Variants in LHX6 observed in about 807,000 individuals in gnomAD.
The protein encoded by LHX6 is LIM homeobox 6, also known as LIM/homeobox protein Lhx6.
A neutral mutation model predicts 47.1 loss-of-function variants in LHX6; 15 were observed. The ratio of observed to expected loss-of-function variants is 0.32; its 90% CI spans 0.21 to 0.49. LHX6 has a LOEUF of 0.49. LHX6 is among the 20% of genes least tolerant of loss of function. The pLI is 0.99. For missense variants in LHX6, 404 were observed against 539.6 expected (o/e 0.75, Z 2.49); for synonymous variants, 242 against 233.5 (o/e 1.04, Z -0.33).
Position 122,213,969 on chromosome 9 carries a change from C to CGG in LHX6, c.879+4_879+5insCC. 1.5e-6 allele frequency: 2 copies of CGG among 1,309,946 alleles called. No homozygotes were observed. Among genetic ancestry groups the CGG allele is most frequent in the Non-Finnish European group, 2.2e-6 (2 of 915,330 alleles). 81.1% of individuals were successfully genotyped at this position (1,309,946 alleles called of 1,614,324 possible). On this transcript the variant is annotated splice_donor_region_variant and intron_variant, in intron 7 of 9. Transcript: ENST00000394319. The surrounding 1 kb of genome is among the most constrained non-coding windows in gnomAD (Gnocchi z 5.5). Reference sequence around the variant, plus strand: ...GTCCCCAGGCCCCGCCCACCCCCGTCCCACCTGGATGACTCTCCGGCTGAG... The same window carrying CGG: ...GTCCCCAGGCCCCGCCCACCCCCGTCGGCCACCTGGATGACTCTCCGGCTGAG...
At chr9:122,206,444 G>C (rs1179441013) in intron 9 of LHX6, among the ~76,000 whole-genome samples, 1 of 152,174 alleles carries the variant, frequency 6.6e-6, no homozygotes, top group Admixed American at 6.5e-5. Flanking sequence ...GACAAGAAAA[G>C]TCCCTAGGAG....
intron 8 of LHX6, among the ~76,000 whole-genome samples, chr9:122,210,808 C>T (rs1201309223): frequency 1.3e-5 from 2 of 152,140 alleles, no homozygotes; most frequent in African/African-American, 4.8e-5. Context: ...AGTGATCTGC[C>T]CACCTCGGCC....
Position 122,228,727 on chromosome 9 carries a change from T to C in LHX6, c.14A>G (p.His5Arg). Residue 5 changes from histidine to arginine, a missense_variant, in exon 1 of 10, where the codon CAT becomes CGT. Coordinates refer to ENST00000394319, the MANE Select transcript of LHX6 (RefSeq NM_014368.5). MYWK[H>R]ENAAPALPEG... The stretch of plus-strand genomic sequence containing the variant: ...GGGCAACGCCGGGGCGGCGTTCTCA[T>C]GCTTCCAGTACATGGGCCGGGGAAC... 1.5e-6 allele frequency: 2 copies of C among 1,292,890 alleles called. No individual in the cohort carries two copies. The highest frequency in any genetic ancestry group is 2.0e-6 in the Non-Finnish European group (2 of 1,018,876). The allele number at this position is 1,292,890 out of a possible 1,614,324, so 80.1% of individuals were successfully genotyped here. A position where few individuals can be genotyped will look rare whatever the true frequency, so the allele number is the denominator to read the frequency against.
At chr9:122,228,314 G>A in intron 1 of LHX6, 1 of 1,534,632 alleles carries the variant, frequency 6.5e-7, no homozygotes, top group South Asian at 1.2e-5. Context: ...TACCGGCCCC[G>A]CGTCGGGATT....
At chr9:122,209,801 C>G in intron 8 of LHX6, 84 bp from the exon 9 acceptor site, 3 of 638,844 alleles carry the variant, frequency 4.7e-6, no homozygotes, top group Non-Finnish European at 8.5e-6. Context: ...CAGACTGGAG[C>G]CCTGAAACCA....
intron 1 of LHX6, 155 bp from the exon 2 acceptor site, chr9:122,227,635 G>A: frequency 7.4e-7 from 1 of 1,344,472 alleles, no homozygotes; most frequent in Non-Finnish European, 9.5e-7. Context: ...CCCCACAAAA[G>A]CGGTGTCTCT....
chr9:122,213,844 C>G lies in LHX6; in HGVS notation c.880-64G>C. 1.3e-6 allele frequency: 2 copies of G among 1,533,686 alleles called. No homozygotes were observed. Among genetic ancestry groups the G allele is most frequent in the Middle Eastern group, 1.7e-4 (1 of 5,960 alleles). ...AGAGTCGGACGCGCCGCCGGGAGACCCCAGGCGGGACTGCCTCGTCGCCTC... is the reference window on the plus strand; with the variant it reads ...AGAGTCGGACGCGCCGCCGGGAGACGCCAGGCGGGACTGCCTCGTCGCCTC... On this transcript the variant is annotated intron_variant, in intron 7 of 9. Coordinates refer to ENST00000394319, the MANE Select transcript of LHX6 (RefSeq NM_014368.5). This position sits in a 1 kb window ranked among gnomAD's most constrained non-coding sequence, Gnocchi z 5.5.
At chr9:122,220,976 C>T (rs977720030) in intron 4 of LHX6, 6 of 513,464 alleles carry the variant, frequency 1.2e-5, no homozygotes, top group Non-Finnish European at 1.5e-5. Context: ...TCGACCCCTT[C>T]TCCCACTATT....
intron 4 of LHX6, chr9:122,221,765 C>A: frequency 1.0e-6 from 1 of 981,438 alleles, no homozygotes; most frequent in Non-Finnish European, 1.2e-6. Flanking sequence ...GCGTGCCAAC[C>A]AAACTGGGCA....
chr9:122,211,123 C>G (rs1364093981), intron 8 of LHX6, among the ~76,000 whole-genome samples: 1 of 152,192 alleles, frequency 6.6e-6, no homozygotes, highest in Non-Finnish European at 1.5e-5. Flanking sequence ...ATGCTTCAGC[C>G]TGTTTATCAC....
At chr9:122,207,209 G>C (rs1286701821) in intron 9 of LHX6, among the ~76,000 whole-genome samples, 1 of 152,178 alleles carries the variant, frequency 6.6e-6, no homozygotes. Context: ...TGTGATTCTG[G>C]ATGAGCACTG....
rs1830327418 is a variant in LHX6 at position 122,209,699 on chromosome 9, T to C, written c.1073A>G (p.Gln358Arg). 1.1e-6 allele frequency: 1 copy of C among 921,952 alleles called. No individual in the cohort carries two copies. The highest frequency in any genetic ancestry group is 1.6e-5 in the African/African-American group (1 of 61,702). 57.1% of individuals were successfully genotyped at this position (921,952 alleles called of 1,614,324 possible). The change falls in exon 9 of 10, where the codon CAG becomes CGG. Residue 358 changes from glutamine to arginine, a missense_variant. Gln to Arg is a conservative substitution (Grantham distance 43, BLOSUM62 1). Coordinates refer to ENST00000394319, the MANE Select transcript of LHX6 (RefSeq NM_014368.5). ...GGTGTAAGGCAGCCGGCAGTGCACC[T>C]GCCCGCACTGTACCTGACCTGTGGA... ...GYIESQVQCG[Q>R]VHCRLPYTAP...
chr9:122,226,146 G>A lies in LHX6; in HGVS notation c.461+230C>T, dbSNP rs965158616. Among the ~76,000 whole-genome samples, 4 of 152,204 alleles carry A rather than the reference G, an allele frequency of 2.6e-5. No homozygotes were observed. The highest frequency in any genetic ancestry group is 4.4e-5 in the Non-Finnish European group (3 of 68,036). ...AGACGATACCGAAACCCAATGGACC[G>A]CGAGGACCGAAGGCAGATCCGGGGC... On this transcript the variant is annotated intron_variant, in intron 4 of 9. Transcript: ENST00000394319. The surrounding 1 kb of genome is among the most constrained non-coding windows in gnomAD (Gnocchi z 6.5).
At chr9:122,209,791 C>T (rs978722429) in intron 8 of LHX6, 74 bp from the exon 9 acceptor site, 6 of 660,650 alleles carry the variant, frequency 9.1e-6, no homozygotes, top group Non-Finnish European at 1.7e-5. Flanking sequence ...GTGCTCTCTA[C>T]AGACTGGAGC....
Position 122,213,664 on chromosome 9 carries a change from G to A in LHX6, c.996C>T (p.Tyr332=), listed in dbSNP as rs2118850765. 2 of 1,612,280 alleles carry A rather than the reference G, an allele frequency of 1.2e-6. No individual in the cohort carries two copies. The highest frequency in any genetic ancestry group is 2.2e-5 in the East Asian group (1 of 44,862). ...CCCGCTCGGGGCTGCTGAACGGGGT[G>A]TAGTGGATGTCGTCGGACAGGGCGG... ...LPSALSDDIH[Y]TPFSSPERAR... Residue 332 remains tyrosine, a synonymous_variant, in exon 8 of 10, where the codon TAC becomes TAT. Coordinates refer to ENST00000394319, the MANE Select transcript of LHX6 (RefSeq NM_014368.5). This position sits in a 1 kb window ranked among gnomAD's most constrained non-coding sequence, Gnocchi z 5.5.
chr9:122,213,886 A>G lies in LHX6; in HGVS notation c.879+88T>C, dbSNP rs769223340. ...CGTCGCCTCCTGGAGAAGGATGGCC[A>G]CGTGCACGCACCACCCTCCGCGCCG... On this transcript the variant is annotated intron_variant, in intron 7 of 9. Transcript: ENST00000394319. This position sits in a 1 kb window ranked among gnomAD's most constrained non-coding sequence, Gnocchi z 5.5. The G allele has an allele frequency of 7.9e-6, 12 of 1,511,420 alleles. No homozygotes were observed. In the African/African-American group the frequency reaches 1.4e-4, roughly 17 times the overall value. The allele number at this position is 1,511,420 out of a possible 1,614,324, so 93.6% of individuals were successfully genotyped here. A position where few individuals can be genotyped will look rare whatever the true frequency, so the allele number is the denominator to read the frequency against.
chr9:122,212,513 G>A (rs1830434486), intron 8 of LHX6, among the ~76,000 whole-genome samples: 1 of 152,180 alleles, frequency 6.6e-6, no homozygotes, highest in Admixed American at 6.5e-5. Flanking sequence ...GTGCATCGCA[G>A]TCATTTACAT....
intron 4 of LHX6, chr9:122,221,164 C>A: frequency 1.1e-5 from 11 of 985,372 alleles, no homozygotes; most frequent in Non-Finnish European, 1.3e-5. Flanking sequence ...GAGGTGGGGC[C>A]CTACCTATTC....
intron 4 of LHX6, among the ~76,000 whole-genome samples, chr9:122,220,190 C>G (rs1161787047): frequency 6.6e-6 from 1 of 152,238 alleles, no homozygotes; most frequent in Non-Finnish European, 1.5e-5. Flanking sequence ...TGTCCTCATA[C>G]CCTTGGTCCG....
Sources: allele counts gnomAD v4.1 joint callset (sites outside exome capture counted in the v4.1 genomes callset), GRCh38; gene constraint gnomAD v4.1.1; non-coding constraint Gnocchi (gnomAD v3.1); transcripts MANE v1.5; gene names NCBI Gene and HGNC (gene_info 2026-07-23, HGNC 2026-07-21).